Variants in MYO5B observed in about 807,000 individuals in gnomAD.
MYO5B encodes the protein unconventional myosin-Vb.
A neutral mutation model predicts 229.3 loss-of-function variants in MYO5B; 143 were observed. That is an observed-to-expected ratio of 0.62 (90% CI 0.54 to 0.72). The LOEUF (loss-of-function observed/expected upper bound fraction) is 0.72, where lower values mean the gene tolerates loss of function less well. Among genes scored for constraint, MYO5B ranks in the 30% least tolerant of loss-of-function variants. The pLI, the probability that MYO5B is intolerant of heterozygous loss-of-function variation, is 0.00. For missense variants in MYO5B, 2,321 were observed against 2,331.0 expected (o/e 1.00, Z 0.09); for synonymous variants, 918 against 885.2 (o/e 1.04, Z -0.66).
At chr18:50,188,667 G>C (rs1001426619) in intron 1 of MYO5B, among the ~76,000 whole-genome samples, 2 of 151,868 alleles carry the variant, frequency 1.3e-5, no homozygotes, top group South Asian at 4.2e-4. Flanking sequence ...CACACCTGTA[G>C]TCCCAGATAC....
intron 1 of MYO5B, among the ~76,000 whole-genome samples, chr18:50,070,018 CTTTTT>C (rs765610800): frequency 5.5e-5 from 6 of 110,064 alleles, no homozygotes; most frequent in Admixed American, 9.7e-5. Flanking sequence ...GCAATTTAGT[CTTTTT>C]TTTTTTTTTT....
At chr18:49,926,073 CCTT>C (rs1394076198) in intron 17 of MYO5B, among the ~76,000 whole-genome samples, 5 of 152,168 alleles carry the variant, frequency 3.3e-5, no homozygotes, top group African/African-American at 1.2e-4. Flanking sequence ...CACTCTCTGT[CCTT>C]TTTTCTAAGC....
At chr18:49,893,431 A>G (rs1367943990) in intron 22 of MYO5B, among the ~76,000 whole-genome samples, 1 of 152,226 alleles carries the variant, frequency 6.6e-6, no homozygotes, top group Non-Finnish European at 1.5e-5. Context: ...TAGACAAACC[A>G]CAAGTGTGGT....
At chr18:49,844,808 G>A (rs1413140947) in intron 33 of MYO5B, among the ~76,000 whole-genome samples, 1 of 152,206 alleles carries the variant, frequency 6.6e-6, no homozygotes, top group South Asian at 2.1e-4. Flanking sequence ...GTCCTGTCTT[G>A]GAATGTTCTA....
chr18:50,066,965 T>A (rs1343851911), intron 1 of MYO5B, among the ~76,000 whole-genome samples: 2 of 152,168 alleles, frequency 1.3e-5, no homozygotes, highest in Non-Finnish European at 2.9e-5. Context: ...TTTAGAGAGA[T>A]TCAGGTGCAG....
intron 1 of MYO5B, among the ~76,000 whole-genome samples, chr18:50,147,300 G>A (rs79446425): frequency 0.022 from 3,358 of 152,158 alleles, 120 homozygotes; most frequent in African/African-American, 0.077. Context: ...GCCACACCCA[G>A]TGAGTCTGAA....
At chr18:49,900,901 T>TA (rs1270189513) in intron 21 of MYO5B, among the ~76,000 whole-genome samples, 9 of 152,088 alleles carry the variant, frequency 5.9e-5, no homozygotes, top group African/African-American at 2.2e-4. Flanking sequence ...TGTTTGGGGT[T>TA]AAAAAACCCG....
At chr18:50,039,223 G>A (rs556658322) in intron 3 of MYO5B, among the ~76,000 whole-genome samples, 1 of 152,222 alleles carries the variant, frequency 6.6e-6, no homozygotes, top group African/African-American at 2.4e-5. Flanking sequence ...CTCAAACAAC[G>A]GTTTATAGGG....
At chr18:49,867,111 C>T (rs1056422618) in intron 27 of MYO5B, among the ~76,000 whole-genome samples, 56 of 152,112 alleles carry the variant, frequency 3.7e-4, no homozygotes, top group African/African-American at 1.2e-3. Context: ...AGCTGGTCAT[C>T]GCAGAGCTTC....
At chr18:49,977,022 T>G (rs974677664) in intron 9 of MYO5B, among the ~76,000 whole-genome samples, 1 of 152,278 alleles carries the variant, frequency 6.6e-6, no homozygotes, top group Admixed American at 6.5e-5. Flanking sequence ...GCCCAAGACA[T>G]GCCCACGGGC....
intron 1 of MYO5B, among the ~76,000 whole-genome samples, chr18:50,158,856 T>C (rs375711661): frequency 2.0e-5 from 3 of 152,292 alleles, no homozygotes; most frequent in East Asian, 3.9e-4. Flanking sequence ...GAGCATCTGA[T>C]GATGGGGTAA....
intron 17 of MYO5B, among the ~76,000 whole-genome samples, chr18:49,913,264 A>G (rs1217619): frequency 0.68 from 103,434 of 152,110 alleles, 35,630 homozygotes; most frequent in African/African-American, 0.79. Flanking sequence ...CAGTCTTTCC[A>G]ATGAGCAAAT....
chr18:50,077,976 A>C (rs1160237677), intron 1 of MYO5B, among the ~76,000 whole-genome samples: 2 of 152,246 alleles, frequency 1.3e-5, no homozygotes, highest in South Asian at 2.1e-4. Flanking sequence ...ATATTAGCAC[A>C]AAAGGCATCA....
rs1555659352 is a variant in MYO5B, at chr18:50,104,265, G to GATTGATAT, written c.28-48888_28-48887insATATCAAT. On this transcript the variant is annotated intron_variant, in intron 1 of 39. Transcript: ENST00000285039. ...TTAAGATTCCTGGGGATCTATACATGATATATATATATATATATATATATA... is the reference window on the plus strand; with the variant it reads ...TTAAGATTCCTGGGGATCTATACATGATTGATATATATATATATATATATATATATATA... 2.2e-5 allele frequency among the ~76,000 whole-genome samples: 3 copies of GATTGATAT among 134,572 alleles called. No homozygotes were observed. In the East Asian group the frequency reaches 6.5e-4, roughly 29 times the overall value. 88.3% of individuals were successfully genotyped at this position (134,572 alleles called of 152,430 possible).
At chr18:50,166,619 T>C (rs2032855961) in intron 1 of MYO5B, among the ~76,000 whole-genome samples, 1 of 152,290 alleles carries the variant, frequency 6.6e-6, no homozygotes. Context: ...TTAAGCTGCA[T>C]AGTACACAAA....
chr18:49,984,651 G>T, intron 8 of MYO5B, 67 bp downstream of exon 8: 3 of 1,241,228 alleles, frequency 2.4e-6, no homozygotes, highest in African/African-American at 1.5e-5. Context: ...GTGGGACATC[G>T]CCTTGCATTC....
At position 49,957,142 on chromosome 18, in the gene MYO5B, CAAAAAAA is replaced by C. The variant is rs71169467; in HGVS notation, c.1546-2714_1546-2708del. On this transcript the variant is annotated intron_variant, in intron 12 of 39. Coordinates refer to ENST00000285039, the MANE Select transcript of MYO5B (RefSeq NM_001080467.3). The stretch of plus-strand genomic sequence containing the variant: ...ACTCCTTGCTAGTAAAATAAAGTAG[CAAAAAAA>C]AAAAAAAAAAAAAAAAGCAGGCATG... 5.2e-3 allele frequency among the ~76,000 whole-genome samples: 306 copies of C among 58,722 alleles called. 2 individuals are homozygous for C. Among genetic ancestry groups the C allele is most frequent in the Non-Finnish European group, 7.3e-3 (256 of 34,888 alleles). The allele number at this position is 58,722 out of a possible 152,430, so 38.5% of individuals were successfully genotyped here.
intron 13 of MYO5B, 88 bp from the exon 14 acceptor site, chr18:49,953,431 T>C: frequency 8.6e-7 from 1 of 1,160,570 alleles, no homozygotes; most frequent in Non-Finnish European, 1.3e-6. Context: ...TAGCATTTTC[T>C]GAAAAGAGCT....
chr18:50,078,923 A>C (rs1451480365), intron 1 of MYO5B, among the ~76,000 whole-genome samples: 1 of 152,266 alleles, frequency 6.6e-6, no homozygotes, highest in Admixed American at 6.5e-5. Context: ...AGAAGGAAGA[A>C]GCCACCACTA....
Sources: gnomAD v4.1 joint callset for allele counts (sites outside exome capture counted in the v4.1 genomes callset) on GRCh38, gnomAD v4.1.1 for gene constraint, MANE v1.5 for transcripts, NCBI Gene and HGNC (gene_info 2026-07-23, HGNC 2026-07-21) for gene names.